The following HECW1 variants were observed in gnomAD, a reference collection of about 807,000 sequenced individuals.
HECW1 encodes HECT, C2 and WW domain containing E3 ubiquitin protein ligase 1.
Under a neutral mutation model 182.3 loss-of-function variants are expected in HECW1, and 61 were observed. The ratio of observed to expected loss-of-function variants is 0.33; its 90% CI spans 0.27 to 0.41. The LOEUF (loss-of-function observed/expected upper bound fraction) is 0.41. Ranked by LOEUF, HECW1 falls within the 10% of genes least tolerant of loss-of-function variation. The probability of loss-of-function intolerance (pLI) is 1.00; values close to 1 mark genes in which losing one functional copy is unlikely to be tolerated. For missense variants in HECW1, 1,739 were observed against 2,108.9 expected, an observed-to-expected ratio of 0.82 and a Z score of 3.44; for synonymous variants, 859 against 832.6, an observed-to-expected ratio of 1.03 and a Z score of -0.55.
Position 43,264,172 on chromosome 7 carries a change from C to A in HECW1, c.27+20240C>A, listed in dbSNP as rs564721848. On this transcript the variant is annotated intron_variant, in intron 3 of 29. Transcript: ENST00000395891. Reference sequence around the variant, plus strand: ...TATTAACTACAGTCACCATACTTCGCAATAGATCTCTAAAACTTATTCTAA... The same window carrying A: ...TATTAACTACAGTCACCATACTTCGAAATAGATCTCTAAAACTTATTCTAA... Among the ~76,000 whole-genome samples the A allele has an allele frequency of 1.4e-3, 213 of 152,268 alleles. 1 individual carries two copies. Among genetic ancestry groups the A allele is most frequent in the South Asian group, 2.1e-3 (10 of 4,814 alleles).
intron 2 of HECW1, among the ~76,000 whole-genome samples, chr7:43,197,497 A>C (rs1794577419): frequency 6.6e-6 from 1 of 152,156 alleles, no homozygotes; most frequent in Non-Finnish European, 1.5e-5. Context: ...TGGCCCAAGG[A>C]GAGGGTGGGA....
intron 8 of HECW1, among the ~76,000 whole-genome samples, chr7:43,430,346 C>A (rs541648191): frequency 7.2e-5 from 11 of 152,264 alleles, no homozygotes; most frequent in African/African-American, 2.4e-4. Context: ...TTTCTACCCA[C>A]GGCACAATTT....
At chr7:43,561,485 G>A (rs1282240780) in intron 29 of HECW1, among the ~76,000 whole-genome samples, 1 of 152,204 alleles carries the variant, frequency 6.6e-6, no homozygotes, top group Non-Finnish European at 1.5e-5. Flanking sequence ...TTATATTTCT[G>A]CCTCCTTCAT....
At chr7:43,421,935 G>A (rs1193043485) in intron 8 of HECW1, among the ~76,000 whole-genome samples, 1 of 152,154 alleles carries the variant, frequency 6.6e-6, no homozygotes, top group Non-Finnish European at 1.5e-5. Flanking sequence ...GAAGTGTGGA[G>A]GTAAATATAC....
intron 2 of HECW1, among the ~76,000 whole-genome samples, chr7:43,123,173 G>A (rs1275722552): frequency 6.6e-6 from 1 of 152,142 alleles, no homozygotes; most frequent in Non-Finnish European, 1.5e-5. Context: ...CTGGGCTGGG[G>A]GCCATTACCA....
intron 2 of HECW1, among the ~76,000 whole-genome samples, chr7:43,115,507 A>G (rs1477438530): frequency 6.6e-6 from 1 of 152,144 alleles, no homozygotes; most frequent in Non-Finnish European, 1.5e-5. Flanking sequence ...GTTTCATCCT[A>G]TGCAGTAATT....
intron 8 of HECW1, among the ~76,000 whole-genome samples, chr7:43,436,704 G>A (rs980720074): frequency 1.3e-5 from 2 of 152,190 alleles, no homozygotes; most frequent in African/African-American, 4.8e-5. Context: ...GGATGTATAC[G>A]TGCAGATCAC....
At chr7:43,221,791 T>C (rs1797002210) in intron 2 of HECW1, among the ~76,000 whole-genome samples, 1 of 142,904 alleles carries the variant, frequency 7.0e-6, no homozygotes, top group Non-Finnish European at 1.6e-5. Context: ...GCAATCTGCC[T>C]GCTTTGGCCT....
In HECW1 at chr7:43,360,994, C is replaced by A. The variant is rs991570412; in HGVS notation, c.555+14C>A. ...TCGGCAGCTCCTGTAAGTCTCATTT[C>A]TCCGTCTTTGGTTAGACCTAACTCT... On this transcript the variant is annotated intron_variant, in intron 6 of 29. Transcript: ENST00000395891. 1 of 1,591,330 alleles carries A rather than the reference C, an allele frequency of 6.3e-7. No individual in the cohort carries two copies.
intron 2 of HECW1, among the ~76,000 whole-genome samples, chr7:43,120,428 A>C (rs1210268131): frequency 6.6e-6 from 1 of 152,078 alleles, no homozygotes; most frequent in Non-Finnish European, 1.5e-5. Context: ...CTTATGTGCT[A>C]TTCTCTGTCT....
At chr7:43,493,554 G>A (rs2079013667) in intron 19 of HECW1, among the ~76,000 whole-genome samples, 2 of 152,086 alleles carry the variant, frequency 1.3e-5, no homozygotes, top group Admixed American at 1.3e-4. Flanking sequence ...TTGAGCAGCC[G>A]TGTTCGAAAA....
At chr7:43,302,807 A>G (rs1807012120) in intron 3 of HECW1, among the ~76,000 whole-genome samples, 3 of 152,296 alleles carry the variant, frequency 2.0e-5, no homozygotes, top group South Asian at 2.1e-4. Context: ...CAATCAGGCT[A>G]GTGCCTTCCT....
chr7:43,114,141 C>G lies in HECW1; in HGVS notation c.-266-16C>G, dbSNP rs1216105167. 3.5e-6 allele frequency: 3 copies of G among 858,198 alleles called. No homozygotes were observed. The highest frequency in any genetic ancestry group is 4.9e-6 in the Non-Finnish European group (3 of 616,852). 53.2% of individuals were successfully genotyped at this position (858,198 alleles called of 1,614,324 possible). On this transcript the variant is annotated splice_polypyrimidine_tract_variant and intron_variant, in intron 1 of 29. Coordinates refer to ENST00000395891, the MANE Select transcript of HECW1 (RefSeq NM_015052.5). ...GTGCAATTCTCCCCTTGTTTTCCCC[C>G]CTTCTCTTTGAAAAGATATCAATGC...
At chr7:43,505,220 C>T (rs2152926461) in intron 21 of HECW1, among the ~76,000 whole-genome samples, 1 of 152,306 alleles carries the variant, frequency 6.6e-6, no homozygotes, top group Admixed American at 6.5e-5. Context: ...TTTTCTACTC[C>T]TCCCCGTCTC....
At chr7:43,321,108 A>G (rs1415566451) in intron 5 of HECW1, among the ~76,000 whole-genome samples, 2 of 151,954 alleles carry the variant, frequency 1.3e-5, no homozygotes, top group Non-Finnish European at 2.9e-5. Context: ...CAGGCATCCT[A>G]CCCTCCAGTT....
chr7:43,278,843 C>T (rs1803519392), intron 3 of HECW1, among the ~76,000 whole-genome samples: 1 of 152,162 alleles, frequency 6.6e-6, no homozygotes, highest in South Asian at 2.1e-4. Flanking sequence ...ACTCCCTTCC[C>T]TGCCTCACAC....
chr7:43,410,240 G>C (rs550876508), intron 8 of HECW1, among the ~76,000 whole-genome samples: 1 of 152,220 alleles, frequency 6.6e-6, no homozygotes, highest in South Asian at 2.1e-4. Context: ...CCGAAGCTGG[G>C]AAGTCCGAGC....
chr7:43,138,604 A>G (rs1013986996), intron 2 of HECW1, among the ~76,000 whole-genome samples: 1 of 152,240 alleles, frequency 6.6e-6, no homozygotes, highest in Non-Finnish European at 1.5e-5. Flanking sequence ...TAGAATCATC[A>G]TCTTCTCAAA....
At chr7:43,128,679 A>G (rs1414410573) in intron 2 of HECW1, among the ~76,000 whole-genome samples, 1 of 152,184 alleles carries the variant, frequency 6.6e-6, no homozygotes, top group South Asian at 2.1e-4. Context: ...TCTTGATGCT[A>G]TAGCTGCTGT....
Sources: gnomAD v4.1 joint callset for allele counts (sites outside exome capture counted in the v4.1 genomes callset) on GRCh38, gnomAD v4.1.1 for gene constraint, MANE v1.5 for transcripts, NCBI Gene and HGNC (gene_info 2026-07-23, HGNC 2026-07-21) for gene names.